Variants in DAB1 observed in about 807,000 individuals in gnomAD.
The protein encoded by DAB1 is disabled homolog 1.
Under a neutral mutation model 64.6 loss-of-function variants are expected in DAB1, and 15 were observed. The observed-to-expected ratio is 0.23, with a 90% CI of 0.16 to 0.36. The LOEUF (loss-of-function observed/expected upper bound fraction) is 0.36, where lower values mean the gene tolerates loss of function less well. DAB1 is among the 10% of genes least tolerant of loss of function. The pLI, the probability that DAB1 is intolerant of heterozygous loss-of-function variation, is 1.00. For missense variants in DAB1, 596 were observed against 706.7 expected, an observed-to-expected ratio of 0.84 and a Z score of 1.78; for synonymous variants, 235 against 251.9, an observed-to-expected ratio of 0.93 and a Z score of 0.64.
At chr1:58,322,524 T>A (rs1414512837) in intron 4 of DAB1, among the ~76,000 whole-genome samples, 1 of 152,070 alleles carries the variant, frequency 6.6e-6, no homozygotes, top group African/African-American at 2.4e-5. Flanking sequence ...GAAATGCAAA[T>A]CAAAACCACA....
intron 5 of DAB1, among the ~76,000 whole-genome samples, chr1:58,122,489 A>T (rs1307003780): frequency 1.3e-5 from 2 of 152,174 alleles, no homozygotes; most frequent in Non-Finnish European, 2.9e-5. Flanking sequence ...ATGTATGTGG[A>T]AAAGGGCTTT....
intron 2 of DAB1, among the ~76,000 whole-genome samples, chr1:57,282,209 A>AC (rs1671970489): frequency 2.1e-5 from 1 of 48,184 alleles, no homozygotes; most frequent in Non-Finnish European, 4.3e-5. Flanking sequence ...AAAAAAAAAA[A>AC]AAACAGGTGA....
At chr1:57,138,151 C>T (rs942578532) in intron 3 of DAB1, among the ~76,000 whole-genome samples, 1 of 152,118 alleles carries the variant, frequency 6.6e-6, no homozygotes, top group Non-Finnish European at 1.5e-5. Flanking sequence ...TAGACACCTG[C>T]TAGGAGGAAA....
At chr1:57,794,288 C>G (rs914199101) in intron 6 of DAB1, among the ~76,000 whole-genome samples, 2 of 152,156 alleles carry the variant, frequency 1.3e-5, no homozygotes, top group Admixed American at 1.3e-4. Context: ...TTGTCACCAA[C>G]AGGGTAAAGT....
intron 5 of DAB1, among the ~76,000 whole-genome samples, chr1:58,082,651 C>T (rs955820853): frequency 2.0e-5 from 3 of 151,790 alleles, no homozygotes; most frequent in Admixed American, 1.3e-4. Context: ...CCTTGGAGGA[C>T]GATAGGGTGG....
chr1:57,443,119 G>T (rs12742237), intron 7 of DAB1, among the ~76,000 whole-genome samples: 5,034 of 152,244 alleles, frequency 0.033, 104 homozygotes, highest in South Asian at 0.061. Flanking sequence ...AATTAACATA[G>T]CCTGCCAAAT....
At chr1:57,216,317 G>A (rs1276150391) in intron 2 of DAB1, among the ~76,000 whole-genome samples, 1 of 151,844 alleles carries the variant, frequency 6.6e-6, no homozygotes, top group African/African-American at 2.4e-5. Flanking sequence ...CTTCCAGCAG[G>A]GTACCTTTAG....
intron 2 of DAB1, among the ~76,000 whole-genome samples, chr1:57,245,789 A>G (rs959271061): frequency 2.6e-5 from 4 of 152,218 alleles, no homozygotes; most frequent in Non-Finnish European, 5.9e-5. Flanking sequence ...TCCTTTGGGT[A>G]TATACCCAGT....
chr1:58,435,652 A>G (rs1302451487), intron 3 of DAB1, among the ~76,000 whole-genome samples: 1 of 152,052 alleles, frequency 6.6e-6, no homozygotes, highest in Non-Finnish European at 1.5e-5. Context: ...CCCCCTTCTC[A>G]TCTACTTTCC....
intron 3 of DAB1, among the ~76,000 whole-genome samples, chr1:58,344,133 T>G (rs1047510557): frequency 1.1e-4 from 17 of 152,142 alleles, no homozygotes; most frequent in African/African-American, 4.1e-4. Context: ...GGCAAGTTAC[T>G]TAACCTCTCT....
intron 2 of DAB1, among the ~76,000 whole-genome samples, chr1:57,282,040 G>C (rs1391115538): frequency 1.3e-5 from 2 of 151,710 alleles, no homozygotes; most frequent in African/African-American, 4.8e-5. Context: ...AAAATTAGCT[G>C]GGTGCAGTGA....
rs560229450 is a variant in DAB1, at chr1:57,244,596, T to C, written c.67+46368A>G. On this transcript the variant is annotated intron_variant, in intron 2 of 14. Transcript: ENST00000371236. ...GATAGCATTTGTTGTACTATTACTC[T>C]TGACCAATGTAAACAAACAATATTA... Among the ~76,000 whole-genome samples, 36 of 152,298 alleles carry C rather than the reference T, an allele frequency of 2.4e-4. 1 individual carries two copies. The South Asian group carries it at 7.5e-3, about 32-fold the overall frequency.
intron 7 of DAB1, among the ~76,000 whole-genome samples, chr1:57,606,492 A>AAATATATAATATATAATATAATATATAT (rs1645641059): frequency 4.5e-5 from 5 of 111,216 alleles, no homozygotes; most frequent in East Asian, 2.3e-4. Flanking sequence ...AATACATATG[A>AAATATATAATATATAATATAATATATAT]AATATATAAT....
rs560747723 is a variant in DAB1 at position 57,702,181 on chromosome 1, T to C, written n.552-52516A>G. On this transcript the variant is annotated intron_variant and non_coding_transcript_variant, in intron 6 of 20. Transcript: ENST00000485760. Reference sequence around the variant, plus strand: ...CTTAGAGGCTCTTTGCAATTCACTGTCTGCTTGGAGTTTTTTCACTTGTCT... The same window carrying C: ...CTTAGAGGCTCTTTGCAATTCACTGCCTGCTTGGAGTTTTTTCACTTGTCT... 5.9e-5 allele frequency among the ~76,000 whole-genome samples: 9 copies of C among 152,268 alleles called. No individual in the cohort carries two copies. The South Asian group carries it at 1.9e-3, about 32-fold the overall frequency.
intron 4 of DAB1, among the ~76,000 whole-genome samples, chr1:58,324,045 C>T (rs145113876): frequency 2.6e-5 from 4 of 151,926 alleles, no homozygotes; most frequent in African/African-American, 9.7e-5. Flanking sequence ...ACTGGTGGTA[C>T]AAACATGTAC....
intron 5 of DAB1, among the ~76,000 whole-genome samples, chr1:58,072,210 T>G (rs1458969596): frequency 6.6e-6 from 1 of 152,164 alleles, no homozygotes; most frequent in African/African-American, 2.4e-5. Context: ...ATTAGTTAAT[T>G]TGATGCTTGT....
At chr1:57,962,329 T>C (rs1026934103) in intron 5 of DAB1, among the ~76,000 whole-genome samples, 2 of 152,118 alleles carry the variant, frequency 1.3e-5, no homozygotes, top group Non-Finnish European at 2.9e-5. Context: ...TTATTATTAC[T>C]CTTATTTTTC....
intron 7 of DAB1, among the ~76,000 whole-genome samples, chr1:57,568,412 C>T (rs1645149851): frequency 6.6e-6 from 1 of 152,114 alleles, no homozygotes; most frequent in Admixed American, 6.5e-5. Flanking sequence ...CAACAAAAGC[C>T]AAAATTGACA....
At chr1:58,101,648 A>G (rs1360964823) in intron 5 of DAB1, among the ~76,000 whole-genome samples, 10 of 152,214 alleles carry the variant, frequency 6.6e-5, no homozygotes, top group Admixed American at 6.5e-4. Context: ...TCTAATTCCA[A>G]TCTATCACTA....
Sources: gnomAD v4.1 joint callset for allele counts (sites outside exome capture counted in the v4.1 genomes callset) on GRCh38, gnomAD v4.1.1 for gene constraint, MANE v1.5 for transcripts, NCBI Gene and HGNC (gene_info 2026-07-23, HGNC 2026-07-21) for gene names.